CNTN3: variants seen among roughly 807,000 people sequenced by gnomAD.
CNTN3 encodes the protein contactin 3.
CNTN3 carries 60 observed loss-of-function variants against 119.1 expected under a neutral mutation model. The ratio of observed to expected loss-of-function variants is 0.50; its 90% CI spans 0.41 to 0.62. The LOEUF is 0.62. Ranked by LOEUF, CNTN3 falls within the 20% of genes least tolerant of loss-of-function variation. The pLI is 0.00. For synonymous variants in CNTN3, 450 were observed against 438.7 expected, an observed-to-expected ratio of 1.03 and a Z score of -0.32; for missense variants, 1,101 against 1,242.4, an observed-to-expected ratio of 0.89 and a Z score of 1.71.
intron 4 of CNTN3, among the ~76,000 whole-genome samples, chr3:74,442,659 C>T (rs1158003504): frequency 1.3e-5 from 2 of 152,088 alleles, no homozygotes; most frequent in Non-Finnish European, 2.9e-5. Context: ...ACATACAAGC[C>T]TGTAGGTGAG....
intron 4 of CNTN3, among the ~76,000 whole-genome samples, chr3:74,446,007 AG>A (rs1314868874): frequency 6.6e-6 from 1 of 152,164 alleles, no homozygotes; most frequent in Non-Finnish European, 1.5e-5. Context: ...CACTGTTTAA[AG>A]GCCACATCTT....
chr3:74,489,689 G>T (rs1038245676), intron 3 of CNTN3, among the ~76,000 whole-genome samples: 1 of 116,266 alleles, frequency 8.6e-6, no homozygotes, highest in Admixed American at 1.2e-4. Flanking sequence ...ATAATGAAAA[G>T]AAATGGGATT....
intron 1 of CNTN3, among the ~76,000 whole-genome samples, chr3:74,547,626 T>C (rs1431360978): frequency 6.6e-6 from 1 of 152,162 alleles, no homozygotes; most frequent in Non-Finnish European, 1.5e-5. Flanking sequence ...TGCTGGTAGG[T>C]TTCCTTGTTC....
intron 4 of CNTN3, among the ~76,000 whole-genome samples, chr3:74,441,937 A>G (rs1038782220): frequency 6.6e-6 from 1 of 152,156 alleles, no homozygotes; most frequent in African/African-American, 2.4e-5. Context: ...CTTTCTACAC[A>G]TAAAGGTCTC....
At position 74,555,590 on chromosome 3, in the gene CNTN3, A is replaced by G. The variant is rs142879280; in HGVS notation, c.-80-34398T>C. Among the ~76,000 whole-genome samples, 169 of 152,124 alleles carry G rather than the reference A, an allele frequency of 1.1e-3. 2 individuals carry two copies. Among genetic ancestry groups the G allele is most frequent in the African/African-American group, 3.8e-3 (156 of 41,514 alleles). On this transcript the variant is annotated intron_variant, in intron 1 of 22. Coordinates refer to ENST00000263665, the MANE Select transcript of CNTN3 (RefSeq NM_020872.3). The stretch of plus-strand genomic sequence containing the variant: ...TATTAATTATTGCCTCAATTTCAGA[A>G]CCTGTTATTGGCCTATTCACAGATT...
intron 19 of CNTN3, among the ~76,000 whole-genome samples, chr3:74,293,334 G>A (rs543889627): frequency 2.6e-5 from 4 of 152,158 alleles, no homozygotes; most frequent in African/African-American, 7.2e-5. Flanking sequence ...TGCTTGTTTG[G>A]TTGCAAGGAA....
At chr3:74,412,093 T>C (rs1362473671) in intron 5 of CNTN3, among the ~76,000 whole-genome samples, 1 of 152,204 alleles carries the variant, frequency 6.6e-6, no homozygotes, top group Non-Finnish European at 1.5e-5. Flanking sequence ...GTGTTTACTT[T>C]GGGGAACATG....
chr3:74,489,659 C>T (rs1012491972), intron 3 of CNTN3, among the ~76,000 whole-genome samples: 1 of 141,788 alleles, frequency 7.1e-6, no homozygotes, highest in Non-Finnish European at 1.5e-5. Flanking sequence ...AGGCCTTAGT[C>T]ATGCCTTTCA....
intron 5 of CNTN3, among the ~76,000 whole-genome samples, chr3:74,401,113 T>C (rs903237119): frequency 4.6e-5 from 7 of 152,248 alleles, no homozygotes; most frequent in Admixed American, 3.3e-4. Context: ...GCTTCTCAAC[T>C]GACAGGTTAT....
chr3:74,552,929 C>A (rs1409242083), intron 1 of CNTN3, among the ~76,000 whole-genome samples: 1 of 152,070 alleles, frequency 6.6e-6, no homozygotes, highest in Non-Finnish European at 1.5e-5. Context: ...GTCAATTAAA[C>A]CTCACTCCTT....
intron 4 of CNTN3, among the ~76,000 whole-genome samples, chr3:74,441,704 A>C (rs978588474): frequency 2.3e-4 from 35 of 152,168 alleles, no homozygotes; most frequent in African/African-American, 8.2e-4. Context: ...TGTTGGAATA[A>C]ATGTACCAAC....
intron 1 of CNTN3, among the ~76,000 whole-genome samples, chr3:74,564,516 G>A (rs569787619): frequency 4.6e-4 from 70 of 151,502 alleles, no homozygotes; most frequent in African/African-American, 1.6e-3. Context: ...GCAAAGGCAG[G>A]AGACCAGTTA....
chr3:74,490,042 C>T (rs1430972451), intron 3 of CNTN3, among the ~76,000 whole-genome samples: 1 of 152,128 alleles, frequency 6.6e-6, no homozygotes, highest in Non-Finnish European at 1.5e-5. Context: ...TGCTTTTAGT[C>T]CTCTCCTTTT....
intron 3 of CNTN3, among the ~76,000 whole-genome samples, chr3:74,495,109 T>G (rs144091885): frequency 6.6e-6 from 1 of 152,136 alleles, no homozygotes; most frequent in African/African-American, 2.4e-5. Context: ...TGTGGCTGAT[T>G]GTGGGTGTGG....
In CNTN3 at chr3:74,499,745, G is replaced by T. The variant is rs746481184; in HGVS notation, c.96C>A (p.Pro32=). The change falls in exon 3 of 23, where the codon CCC becomes CCA. Residue 32 remains proline, a synonymous_variant. Transcript: ENST00000263665. ...AACCAACAGGGAAAATGCTGTTGCT[G>T]GGTTCTTTGATAAATACAGGGCCTT... ...LLQGPVFIKE[P]SNSIFPVGSE... 1 of 1,611,122 alleles carries T rather than the reference G, an allele frequency of 6.2e-7. No homozygotes were observed. The highest frequency in any genetic ancestry group is 1.7e-5 in the Admixed American group (1 of 59,810).
chr3:74,451,944 A>G (rs1358722682), intron 4 of CNTN3, among the ~76,000 whole-genome samples: 1 of 115,084 alleles, frequency 8.7e-6, no homozygotes, highest in African/African-American at 3.9e-5. Flanking sequence ...GAAGTCAGGT[A>G]GCGTGAGGCC....
intron 1 of CNTN3, among the ~76,000 whole-genome samples, chr3:74,570,126 T>C (rs1704286118): frequency 6.6e-6 from 1 of 152,046 alleles, no homozygotes; most frequent in Non-Finnish European, 1.5e-5. Context: ...TCTTTTGCCA[T>C]ATAAAGTAAT....
At chr3:74,376,659 G>T (rs2106801439) in intron 5 of CNTN3, among the ~76,000 whole-genome samples, 1 of 152,176 alleles carries the variant, frequency 6.6e-6, no homozygotes, top group Admixed American at 6.6e-5. Context: ...ATAGATAAAT[G>T]TAATGTGCTT....
chr3:74,516,716 T>C (rs1703456458), intron 2 of CNTN3, among the ~76,000 whole-genome samples: 2 of 150,502 alleles, frequency 1.3e-5, no homozygotes, highest in East Asian at 2.0e-4. Context: ...AGCATAGAAG[T>C]AAAGAAAAAT....
Sources: allele counts gnomAD v4.1 joint callset (sites outside exome capture counted in the v4.1 genomes callset), GRCh38; gene constraint gnomAD v4.1.1; transcripts MANE v1.5; gene names NCBI Gene and HGNC (gene_info 2026-07-23, HGNC 2026-07-21).